LEF1: variants seen among roughly 807,000 people sequenced by gnomAD.
LEF1 encodes the protein lymphoid enhancer-binding factor 1.
A neutral mutation model predicts 51.2 loss-of-function variants in LEF1; 14 were observed. The ratio of observed to expected loss-of-function variants is 0.27; its 90% CI spans 0.18 to 0.43. The LOEUF is 0.43. LEF1 is among the 20% of genes least tolerant of loss of function. The pLI is 1.00. For missense variants in LEF1, 386 were observed against 512.0 expected (o/e 0.75, Z 2.37); for synonymous variants, 185 against 183.2 (o/e 1.01, Z -0.08).
rs542086920 is a variant in LEF1, at chr4:108,087,251, G to A, written c.547+1874C>T. 1.1e-4 allele frequency among the ~76,000 whole-genome samples: 17 copies of A among 152,238 alleles called. No individual in the cohort carries two copies. In the South Asian group the frequency reaches 3.3e-3, roughly 30 times the overall value. On this transcript the variant is annotated intron_variant, in intron 4 of 11. Coordinates refer to ENST00000265165, the MANE Select transcript of LEF1 (RefSeq NM_016269.5). ...ATCTCCAGAAGTACACGATGATAAG[G>A]AACACAAGGCCTGGGATAAAACAGG...
chr4:108,087,092 T>G (rs185771853), intron 4 of LEF1, among the ~76,000 whole-genome samples: 1 of 152,198 alleles, frequency 6.6e-6, no homozygotes, highest in East Asian at 1.9e-4. Context: ...CATCATGCCC[T>G]AAGGCAGGAG....
At chr4:108,087,312 C>T (rs1490210961) in intron 4 of LEF1, among the ~76,000 whole-genome samples, 12 of 151,772 alleles carry the variant, frequency 7.9e-5, no homozygotes, top group Middle Eastern at 6.8e-3. Flanking sequence ...AGTGTCTGGA[C>T]CAGAATACAA....
At chr4:108,099,538 GTATA>G (rs1740617875) in intron 3 of LEF1, among the ~76,000 whole-genome samples, 2 of 96,016 alleles carry the variant, frequency 2.1e-5, no homozygotes, top group South Asian at 3.6e-4. Context: ...ATATATATGT[GTATA>G]TGTGTGTGTG....
At chr4:108,159,835 T>C (rs1578410031) in intron 3 of LEF1, among the ~76,000 whole-genome samples, 2 of 152,180 alleles carry the variant, frequency 1.3e-5, no homozygotes, top group East Asian at 3.8e-4. Flanking sequence ...TTCATAGCAA[T>C]TTCTACTTTA....
In LEF1 at chr4:108,168,063, C is replaced by A. The variant is rs1745529762; in HGVS notation, c.-296G>T. 1 of 156,896 alleles carries A rather than the reference C, an allele frequency of 6.4e-6. No individual in the cohort carries two copies. Among genetic ancestry groups the A allele is most frequent in the African/African-American group, 2.4e-5 (1 of 41,534 alleles). The allele number at this position is 156,896 out of a possible 1,614,324, so 9.7% of individuals were successfully genotyped here. On this transcript the variant is annotated 5_prime_UTR_variant, in exon 1 of 12. Coordinates refer to ENST00000265165, the MANE Select transcript of LEF1 (RefSeq NM_016269.5). This position sits in a 1 kb window ranked among gnomAD's most constrained non-coding sequence, Gnocchi z 4.6. Reference sequence around the variant, plus strand: ...GCGAGGGCTGCGGTAGCTGGCGACTCCGGGGGCGTCTGCGCGGCGCGCGCT... The same window carrying A: ...GCGAGGGCTGCGGTAGCTGGCGACTACGGGGGCGTCTGCGCGGCGCGCGCT...
intron 3 of LEF1, among the ~76,000 whole-genome samples, chr4:108,138,770 A>AGG (rs1311842883): frequency 6.6e-6 from 1 of 152,246 alleles, no homozygotes; most frequent in African/African-American, 2.4e-5. Flanking sequence ...TTTAGGGCTG[A>AGG]GAACATCAGG....
At chr4:108,096,069 A>G (rs1431617231) in intron 3 of LEF1, among the ~76,000 whole-genome samples, 2 of 152,230 alleles carry the variant, frequency 1.3e-5, no homozygotes, top group African/African-American at 2.4e-5. Context: ...GTCATTCCAG[A>G]TAAATGAGCC....
chr4:108,108,101 G>A (rs189583955), intron 3 of LEF1, among the ~76,000 whole-genome samples: 6 of 152,166 alleles, frequency 3.9e-5, no homozygotes, highest in Non-Finnish European at 7.3e-5. Flanking sequence ...TGCAAGTTTC[G>A]ATGAGACCCA....
At chr4:108,125,314 C>G (rs1742456067) in intron 3 of LEF1, among the ~76,000 whole-genome samples, 1 of 152,178 alleles carries the variant, frequency 6.6e-6, no homozygotes, top group African/African-American at 2.4e-5. Context: ...TAGGCACCCA[C>G]CGCCACGCCT....
intron 9 of LEF1, among the ~76,000 whole-genome samples, chr4:108,065,587 A>G (rs1738019612): frequency 6.6e-6 from 1 of 152,136 alleles, no homozygotes; most frequent in Non-Finnish European, 1.5e-5. Context: ...GTTGGGGAGG[A>G]TGATTTCAGT....
intron 8 of LEF1, chr4:108,071,691 C>A (rs1738483139): frequency 1.3e-5 from 2 of 152,234 alleles, no homozygotes; most frequent in African/African-American, 4.8e-5. Context: ...CATGTATTTT[C>A]CCAACTTCCC....
At chr4:108,067,862 C>G (rs1351709832) in intron 9 of LEF1, among the ~76,000 whole-genome samples, 1 of 152,100 alleles carries the variant, frequency 6.6e-6, no homozygotes, top group Non-Finnish European at 1.5e-5. Flanking sequence ...TGGGTGAACA[C>G]TGATCTTCCT....
intron 3 of LEF1, among the ~76,000 whole-genome samples, chr4:108,092,847 C>A (rs539230135): frequency 3.6e-4 from 52 of 144,720 alleles, no homozygotes; most frequent in African/African-American, 1.3e-3. Flanking sequence ...CTAATTCTCG[C>A]AGCTTACTTT....
intron 3 of LEF1, among the ~76,000 whole-genome samples, chr4:108,115,846 T>TACACAC (rs55839332): frequency 0.12 from 17,330 of 139,196 alleles, 1,254 homozygotes; most frequent in South Asian, 0.22. Context: ...ATGTAACACA[T>TACACAC]ACACACACAC....
intron 8 of LEF1, chr4:108,072,003 C>T (rs1044872459): frequency 1.3e-5 from 2 of 152,244 alleles, no homozygotes; most frequent in Non-Finnish European, 2.9e-5. Flanking sequence ...ATGTGCTCAC[C>T]TGTGTGCACA....
chr4:108,130,013 C>G (rs2110349037), intron 3 of LEF1, among the ~76,000 whole-genome samples: 1 of 152,264 alleles, frequency 6.6e-6, no homozygotes, highest in Admixed American at 6.5e-5. Flanking sequence ...TGAATGACAA[C>G]CAAGGTATTC....
rs1023896149 is a variant in LEF1 at position 108,167,192 on chromosome 4, T to C, written c.213+363A>G. ...ACGGAAGAATTTATCAGTAGCGTTA[T>C]TCAGCCCTACTCGCTTTAAAGCACG... On this transcript the variant is annotated intron_variant, in intron 1 of 11. Transcript: ENST00000265165. This position sits in a 1 kb window ranked among gnomAD's most constrained non-coding sequence, Gnocchi z 5.7. Among the ~76,000 whole-genome samples, 1 of 152,184 alleles carries C rather than the reference T, an allele frequency of 6.6e-6. No homozygotes were observed. The highest frequency in any genetic ancestry group is 1.5e-5 in the Non-Finnish European group (1 of 68,030).
chr4:108,060,792 G>A (rs1737631047), intron 11 of LEF1, among the ~76,000 whole-genome samples: 1 of 151,932 alleles, frequency 6.6e-6, no homozygotes, highest in Non-Finnish European at 1.5e-5. Context: ...AACAAGCACT[G>A]TGAGAATAGG....
At chr4:108,095,213 T>C (rs1361361941) in intron 3 of LEF1, among the ~76,000 whole-genome samples, 4 of 152,184 alleles carry the variant, frequency 2.6e-5, no homozygotes, top group African/African-American at 7.2e-5. Flanking sequence ...TGCACCATCA[T>C]CAGACAACTG....
Sources: gnomAD v4.1 joint callset for allele counts (sites outside exome capture counted in the v4.1 genomes callset) on GRCh38, gnomAD v4.1.1 for gene constraint, Gnocchi (gnomAD v3.1) non-coding constraint, MANE v1.5 for transcripts, NCBI Gene and HGNC (gene_info 2026-07-23, HGNC 2026-07-21) for gene names.